Variants in SNTG2 observed in about 807,000 individuals in gnomAD.
SNTG2 encodes syntrophin gamma 2, also known as gamma-2-syntrophin.
SNTG2 carries 74 observed loss-of-function variants against 70.9 expected under a neutral mutation model. The ratio of observed to expected loss-of-function variants is 1.04; its 90% CI spans 0.86 to 1.27. SNTG2 has a LOEUF of 1.27. Ranked by LOEUF, SNTG2 falls within the 50% of genes most tolerant of loss-of-function variation. The pLI is 0.00. For synonymous variants in SNTG2, 278 were observed against 273.8 expected, an observed-to-expected ratio of 1.02 and a Z score of -0.15; for missense variants, 717 against 690.7, an observed-to-expected ratio of 1.04 and a Z score of -0.43.
intron 1 of SNTG2, among the ~76,000 whole-genome samples, chr2:963,381 A>G (rs970005367): frequency 6.6e-6 from 1 of 152,170 alleles, no homozygotes; most frequent in Admixed American, 6.5e-5. Flanking sequence ...TAACTTTATC[A>G]TATTTATATG....
intron 14 of SNTG2, among the ~76,000 whole-genome samples, chr2:1,296,743 G>A (rs1025492376): frequency 6.6e-6 from 1 of 152,192 alleles, no homozygotes; most frequent in African/African-American, 2.4e-5. Context: ...GCACAGGGCA[G>A]ACTCCCCAGC....
chr2:1,194,824 C>T (rs921515058), intron 8 of SNTG2, among the ~76,000 whole-genome samples: 6 of 152,054 alleles, frequency 3.9e-5, no homozygotes, highest in African/African-American at 1.4e-4. Flanking sequence ...GTTTGCTGCA[C>T]CCATCAACCT....
intron 1 of SNTG2, among the ~76,000 whole-genome samples, chr2:1,031,528 A>ATATATATATATATATTTTTTTTTTTTT: frequency 1.4e-4 from 8 of 59,122 alleles, no homozygotes; most frequent in Admixed American, 4.2e-4. Flanking sequence ...ATATATATAT[A>ATATATATATATATATTTTTTTTTTTTT]TTTTTTTTTT....
intron 12 of SNTG2, among the ~76,000 whole-genome samples, chr2:1,253,524 G>T (rs567877980): frequency 6.6e-6 from 1 of 152,224 alleles, no homozygotes; most frequent in South Asian, 2.1e-4. Flanking sequence ...AAATTTTAGT[G>T]AATTTTACAA....
intron 13 of SNTG2, among the ~76,000 whole-genome samples, chr2:1,262,151 GGA>G (rs1425443214): frequency 6.6e-6 from 1 of 152,094 alleles, no homozygotes; most frequent in African/African-American, 2.4e-5. Context: ...TATTATGATA[GGA>G]GAGAGAGAGA....
chr2:1,022,480 T>C (rs1470661366), intron 1 of SNTG2, among the ~76,000 whole-genome samples: 2 of 151,578 alleles, frequency 1.3e-5, no homozygotes, highest in African/African-American at 4.8e-5. Flanking sequence ...AGTCCCTGAG[T>C]TCCCGTGAGT....
rs550278664 is a variant in SNTG2 at position 1,172,351 on chromosome 2, G to A, written c.500-741G>A. ...GCTGTGTTCACAGATCTGTCTTTAC[G>A]TGGCAATACCACAAAAATGCTGGGC... On this transcript the variant is annotated intron_variant, in intron 7 of 16. Coordinates refer to ENST00000308624, the MANE Select transcript of SNTG2 (RefSeq NM_018968.4). 1.8e-4 allele frequency among the ~76,000 whole-genome samples: 28 copies of A among 152,264 alleles called. 1 individual carries two copies. The East Asian group carries it at 4.6e-3, about 25-fold the overall frequency.
intron 16 of SNTG2, among the ~76,000 whole-genome samples, chr2:1,339,466 C>CA (rs1272413378): frequency 1.3e-5 from 2 of 152,200 alleles, no homozygotes; most frequent in African/African-American, 4.8e-5. Context: ...AGTTATCTAA[C>CA]ATGTGCTAGT....
intron 16 of SNTG2, among the ~76,000 whole-genome samples, chr2:1,365,568 C>T (rs1022510901): frequency 7.2e-5 from 11 of 152,074 alleles, no homozygotes; most frequent in African/African-American, 1.9e-4. Context: ...AGTCCTCTTC[C>T]GGCAGGCTGG....
chr2:1,046,987 G>A (rs932528610), intron 1 of SNTG2, among the ~76,000 whole-genome samples: 5 of 152,044 alleles, frequency 3.3e-5, no homozygotes, highest in Non-Finnish European at 7.4e-5. Context: ...TTCTCTTTCA[G>A]GAATGTCAGT....
chr2:1,342,164 C>T (rs1660137846), intron 16 of SNTG2, among the ~76,000 whole-genome samples: 1 of 152,226 alleles, frequency 6.6e-6, no homozygotes, highest in African/African-American at 2.4e-5. Context: ...GTGAAGACCT[C>T]AGGGCAGGGA....
At chr2:1,258,380 T>C (rs2148162264) in intron 12 of SNTG2, among the ~76,000 whole-genome samples, 1 of 152,378 alleles carries the variant, frequency 6.6e-6, no homozygotes, top group African/African-American at 2.4e-5. Flanking sequence ...ATTCTCACTT[T>C]CAAATTGTTC....
At chr2:1,275,342 G>A (rs986357215) in intron 14 of SNTG2, among the ~76,000 whole-genome samples, 1 of 152,226 alleles carries the variant, frequency 6.6e-6, no homozygotes. Context: ...AAACCCTGCA[G>A]TAAGCAAATC....
At chr2:1,153,942 G>A (rs1405330453) in intron 6 of SNTG2, among the ~76,000 whole-genome samples, 1 of 152,180 alleles carries the variant, frequency 6.6e-6, no homozygotes, top group Non-Finnish European at 1.5e-5. Context: ...GGGTGGAGAT[G>A]TGTATTTAAG....
chr2:1,338,977 A>T (rs1659951656), intron 16 of SNTG2, among the ~76,000 whole-genome samples: 1 of 152,136 alleles, frequency 6.6e-6, no homozygotes, highest in African/African-American at 2.4e-5. Flanking sequence ...TTACATTCCA[A>T]CTGGCAATGA....
intron 14 of SNTG2, among the ~76,000 whole-genome samples, chr2:1,271,660 C>T (rs1267541289): frequency 6.6e-6 from 1 of 152,062 alleles, no homozygotes; most frequent in African/African-American, 2.4e-5. Flanking sequence ...GTGTGGCTCC[C>T]CTCCCAGTCA....
At chr2:1,002,332 G>A (rs1258705807) in intron 1 of SNTG2, among the ~76,000 whole-genome samples, 4 of 151,874 alleles carry the variant, frequency 2.6e-5, no homozygotes, top group Non-Finnish European at 4.4e-5. Flanking sequence ...ATAGAATGGG[G>A]GAAAATATTT....
At chr2:1,157,142 C>T (rs879616962) in intron 6 of SNTG2, among the ~76,000 whole-genome samples, 2 of 152,174 alleles carry the variant, frequency 1.3e-5, no homozygotes, top group Non-Finnish European at 2.9e-5. Flanking sequence ...CTGACTCGGC[C>T]CCTTCCTCAC....
chr2:1,315,687 A>G (rs1681242171), intron 15 of SNTG2, among the ~76,000 whole-genome samples: 1 of 152,190 alleles, frequency 6.6e-6, no homozygotes, highest in African/African-American at 2.4e-5. Flanking sequence ...TTTTTGCAGT[A>G]GTATTAAAAG....
Sources: gnomAD v4.1 joint callset for allele counts (sites outside exome capture counted in the v4.1 genomes callset) on GRCh38, gnomAD v4.1.1 for gene constraint, MANE v1.5 for transcripts, NCBI Gene and HGNC (gene_info 2026-07-23, HGNC 2026-07-21) for gene names.